EYS: variants seen among roughly 807,000 people sequenced by gnomAD.
EYS encodes protein eyes shut homolog.
Under a neutral mutation model 282.1 loss-of-function variants are expected in EYS, and 250 were observed. The ratio of observed to expected loss-of-function variants is 0.89; its 90% CI spans 0.80 to 0.98. The LOEUF is 0.98. Ranked by LOEUF, EYS falls within the 50% of genes least tolerant of loss-of-function variation. EYS has a pLI of 0.00. For missense variants in EYS, 4,016 were observed against 3,709.0 expected (o/e 1.08, Z -2.15); for synonymous variants, 1,355 against 1,282.9 (o/e 1.06, Z -1.20).
intron 22 of EYS, among the ~76,000 whole-genome samples, chr6:64,648,448 C>G (rs185748373): frequency 1.5e-3 from 226 of 152,240 alleles, no homozygotes; most frequent in African/African-American, 5.1e-3. Context: ...AAGAGAGTGT[C>G]ATAGACATAA....
chr6:65,318,621 A>T (rs1238946836), intron 11 of EYS, among the ~76,000 whole-genome samples: 15 of 147,564 alleles, frequency 1.0e-4, no homozygotes, highest in East Asian at 1.9e-4. Context: ...AATATATATA[A>T]AATATATATA....
chr6:65,572,691 T>C (rs1194979728), intron 2 of EYS, among the ~76,000 whole-genome samples: 2 of 152,154 alleles, frequency 1.3e-5, no homozygotes, highest in African/African-American at 4.8e-5. Flanking sequence ...GCTGTGTAAG[T>C]ATACTCTTGG....
chr6:65,593,274 A>G (rs1012905530), intron 2 of EYS, among the ~76,000 whole-genome samples: 3 of 152,090 alleles, frequency 2.0e-5, no homozygotes, highest in African/African-American at 7.2e-5. Flanking sequence ...TTTGTTAAAC[A>G]TAAATGGAAA....
At chr6:65,396,265 A>G (rs1766277137) in intron 7 of EYS, among the ~76,000 whole-genome samples, 1 of 152,194 alleles carries the variant, frequency 6.6e-6, no homozygotes, top group Non-Finnish European at 1.5e-5. Context: ...CTATACTACC[A>G]TAATATATAA....
intron 24 of EYS, among the ~76,000 whole-genome samples, chr6:64,608,368 T>C (rs1267775722): frequency 6.6e-6 from 1 of 152,058 alleles, no homozygotes; most frequent in African/African-American, 2.4e-5. Context: ...GTGAGAGTAG[T>C]TGGTCAAATA....
intron 31 of EYS, among the ~76,000 whole-genome samples, chr6:64,144,829 C>T (rs768933189): frequency 2.0e-5 from 3 of 152,010 alleles, no homozygotes; most frequent in Non-Finnish European, 2.9e-5. Flanking sequence ...TAGCTGGCCA[C>T]GTGTTGGGGA....
chr6:64,716,183 G>A (rs2149938843), intron 22 of EYS, among the ~76,000 whole-genome samples: 1 of 152,298 alleles, frequency 6.6e-6, no homozygotes, highest in East Asian at 1.9e-4. Flanking sequence ...GACACAGTGT[G>A]TAAACTCACA....
At chr6:65,393,165 A>G (rs1447128546) in intron 7 of EYS, among the ~76,000 whole-genome samples, 1 of 148,006 alleles carries the variant, frequency 6.8e-6, no homozygotes, top group Non-Finnish European at 1.5e-5. Context: ...CACTCTGGGG[A>G]CTGTTGTGGG....
intron 13 of EYS, among the ~76,000 whole-genome samples, chr6:65,012,810 C>CAAAAAAAAAAAAA (rs3033918): frequency 8.5e-6 from 1 of 117,668 alleles, no homozygotes; most frequent in African/African-American, 3.0e-5. Context: ...CCAAGTACAG[C>CAAAAAAAAAAAAA]AAAAAAAAAA....
At chr6:65,184,357 A>G (rs1765465492) in intron 12 of EYS, among the ~76,000 whole-genome samples, 2 of 151,830 alleles carry the variant, frequency 1.3e-5, no homozygotes, top group South Asian at 4.1e-4. Context: ...CAGGAGTCAA[A>G]CTTACAACCA....
At chr6:64,513,443 T>G (rs948551095) in intron 26 of EYS, among the ~76,000 whole-genome samples, 2 of 151,918 alleles carry the variant, frequency 1.3e-5, no homozygotes, top group African/African-American at 4.8e-5. Flanking sequence ...AAAGTATTAA[T>G]TTACTTTTGA....
intron 15 of EYS, among the ~76,000 whole-genome samples, chr6:64,924,366 T>C (rs555696775): frequency 2.6e-4 from 40 of 152,204 alleles, no homozygotes; most frequent in African/African-American, 9.6e-4. Context: ...CACAAAACCA[T>C]TTTTTGCTCC....
chr6:63,782,345 C>T (rs1437345988), intron 39 of EYS, among the ~76,000 whole-genome samples: 1 of 152,068 alleles, frequency 6.6e-6, no homozygotes, highest in Non-Finnish European at 1.5e-5. Flanking sequence ...CTCTTTGTAC[C>T]TCTGGTGGAA....
intron 29 of EYS, among the ~76,000 whole-genome samples, chr6:64,329,545 G>C (rs1582606750): frequency 2.6e-5 from 4 of 152,146 alleles, no homozygotes; most frequent in Non-Finnish European, 2.9e-5. Context: ...AAGCTGCCAG[G>C]GGTCTTGGTG....
intron 22 of EYS, among the ~76,000 whole-genome samples, chr6:64,782,251 A>G (rs1054602816): frequency 5.3e-5 from 8 of 152,226 alleles, no homozygotes; most frequent in African/African-American, 1.9e-4. Context: ...AATGTAGATT[A>G]CAAATTTGCA....
At chr6:63,980,449 A>G (rs1188353706) in intron 35 of EYS, among the ~76,000 whole-genome samples, 1 of 151,900 alleles carries the variant, frequency 6.6e-6, no homozygotes, top group Non-Finnish European at 1.5e-5. Context: ...AATCATCAGT[A>G]TCTGTGTATT....
At chr6:64,465,939 T>C (rs969154297) in intron 26 of EYS, among the ~76,000 whole-genome samples, 3 of 151,810 alleles carry the variant, frequency 2.0e-5, no homozygotes, top group Admixed American at 6.6e-5. Context: ...TAAAAATGAG[T>C]AAAGGGCATG....
chr6:64,184,489 T>C (rs1158683177), intron 31 of EYS, among the ~76,000 whole-genome samples: 1 of 152,018 alleles, frequency 6.6e-6, no homozygotes. Context: ...AGCTCTGAGC[T>C]CCTCCATAAA....
intron 30 of EYS, among the ~76,000 whole-genome samples, chr6:64,296,587 TATATA>T (rs1769023883): frequency 2.8e-4 from 1 of 3,524 alleles, no homozygotes; most frequent in African/African-American, 8.2e-4. Flanking sequence ...TATATATACA[TATATA>T]TATATATTTT....
Sources: gnomAD v4.1 joint callset for allele counts (sites outside exome capture counted in the v4.1 genomes callset) on GRCh38, gnomAD v4.1.1 for gene constraint, MANE v1.5 for transcripts, NCBI Gene and HGNC (gene_info 2026-07-23, HGNC 2026-07-21) for gene names.